The following DSCAM variants were observed in gnomAD, a reference collection of about 807,000 sequenced individuals.
DSCAM encodes the protein cell adhesion molecule DSCAM.
Under a neutral mutation model 217.7 loss-of-function variants are expected in DSCAM, and 47 were observed. The ratio of observed to expected loss-of-function variants is 0.22; its 90% CI spans 0.17 to 0.28. The LOEUF (loss-of-function observed/expected upper bound fraction) is 0.28. Ranked by LOEUF, DSCAM falls within the 10% of genes least tolerant of loss-of-function variation. DSCAM has a pLI of 1.00. For missense variants in DSCAM, 2,080 were observed against 2,618.3 expected (o/e 0.79, Z 4.49); for synonymous variants, 1,056 against 1,015.3 (o/e 1.04, Z -0.76).
intron 3 of DSCAM, among the ~76,000 whole-genome samples, chr21:40,384,419 C>T (rs1366421450): frequency 6.6e-6 from 1 of 151,988 alleles, no homozygotes; most frequent in Non-Finnish European, 1.5e-5. Flanking sequence ...ACTAGCCTGA[C>T]CAACATGGTG....
At chr21:40,038,836 C>T (rs2088683399) in intron 32 of DSCAM, among the ~76,000 whole-genome samples, 1 of 150,980 alleles carries the variant, frequency 6.6e-6, no homozygotes, top group Non-Finnish European at 1.5e-5. Flanking sequence ...ACTATGCAGC[C>T]ATTAAAAATG....
At chr21:40,728,313 AT>A (rs2090978488) in intron 1 of DSCAM, among the ~76,000 whole-genome samples, 1 of 152,230 alleles carries the variant, frequency 6.6e-6, no homozygotes, top group Non-Finnish European at 1.5e-5. Flanking sequence ...CTCAACAAAT[AT>A]TTAATACTTC....
intron 32 of DSCAM, among the ~76,000 whole-genome samples, chr21:40,033,456 G>A (rs1016720158): frequency 2.0e-5 from 3 of 152,188 alleles, no homozygotes; most frequent in Non-Finnish European, 2.9e-5. Context: ...CGAATACTGC[G>A]CTTTTCTGAC....
intron 1 of DSCAM, among the ~76,000 whole-genome samples, chr21:40,711,358 A>G (rs1225000952): frequency 6.6e-6 from 1 of 152,194 alleles, no homozygotes; most frequent in Non-Finnish European, 1.5e-5. Flanking sequence ...ATTTGGTAAG[A>G]AAGAGATGAA....
At chr21:40,827,599 G>T (rs1200529607) in intron 1 of DSCAM, among the ~76,000 whole-genome samples, 1 of 151,942 alleles carries the variant, frequency 6.6e-6, no homozygotes, top group African/African-American at 2.4e-5. Flanking sequence ...ATCAGTGTGT[G>T]TTCAACAGAG....
At chr21:40,843,496 C>T (rs993762501) in intron 1 of DSCAM, among the ~76,000 whole-genome samples, 1 of 152,070 alleles carries the variant, frequency 6.6e-6, no homozygotes, top group East Asian at 1.9e-4. Flanking sequence ...GAAGGCCTGG[C>T]TCTTCTTTTA....
At chr21:40,124,811 T>TG (rs1339886777) in intron 19 of DSCAM, among the ~76,000 whole-genome samples, 1 of 152,152 alleles carries the variant, frequency 6.6e-6, no homozygotes, top group Non-Finnish European at 1.5e-5. Context: ...TTCCTAATGT[T>TG]GGAGTCTGTG....
At chr21:40,467,811 G>A (rs2075856831) in intron 3 of DSCAM, among the ~76,000 whole-genome samples, 1 of 151,128 alleles carries the variant, frequency 6.6e-6, no homozygotes, top group Non-Finnish European at 1.5e-5. Flanking sequence ...TTATGTGAGG[G>A]GAAAATAAAT....
intron 3 of DSCAM, among the ~76,000 whole-genome samples, chr21:40,401,807 C>A (rs1049293546): frequency 6.6e-6 from 1 of 150,516 alleles, no homozygotes; most frequent in African/African-American, 2.5e-5. Context: ...TCCAAAGGGG[C>A]CCCATGTTCC....
At chr21:40,434,522 G>A (rs2075565697) in intron 3 of DSCAM, among the ~76,000 whole-genome samples, 1 of 152,162 alleles carries the variant, frequency 6.6e-6, no homozygotes, top group Non-Finnish European at 1.5e-5. Context: ...TGGTAGCTCA[G>A]CCTGGGGGCT....
chr21:40,189,891 C>T (rs1042743112), intron 11 of DSCAM, among the ~76,000 whole-genome samples: 3 of 152,144 alleles, frequency 2.0e-5, no homozygotes, highest in South Asian at 2.1e-4. Flanking sequence ...AGCATGAAAA[C>T]GGACTAATAC....
chr21:40,267,063 A>T (rs2073548041), intron 11 of DSCAM, among the ~76,000 whole-genome samples: 1 of 151,850 alleles, frequency 6.6e-6, no homozygotes, highest in African/African-American at 2.4e-5. Flanking sequence ...ATAGAAAACT[A>T]TATATTGAGT....
intron 9 of DSCAM, among the ~76,000 whole-genome samples, chr21:40,305,089 G>A (rs1010884786): frequency 1.3e-5 from 2 of 152,036 alleles, no homozygotes; most frequent in African/African-American, 2.4e-5. Flanking sequence ...TATCTGGGAA[G>A]CACAATAAAG....
At chr21:40,264,735 C>A (rs73369821) in intron 11 of DSCAM, among the ~76,000 whole-genome samples, 7,038 of 152,168 alleles carry the variant, frequency 0.046, 410 homozygotes, top group East Asian at 0.22. Flanking sequence ...AATCAAGGGC[C>A]TCCAAATAGG....
At chr21:40,070,166 C>A (rs559082028) in intron 27 of DSCAM, among the ~76,000 whole-genome samples, 1 of 141,890 alleles carries the variant, frequency 7.0e-6, no homozygotes, top group African/African-American at 2.7e-5. Flanking sequence ...GAAACCAAGA[C>A]AGAAAGAAAG....
intron 1 of DSCAM, among the ~76,000 whole-genome samples, chr21:40,816,287 T>C (rs1569050625): frequency 6.6e-6 from 1 of 152,104 alleles, no homozygotes; most frequent in Non-Finnish European, 1.5e-5. Flanking sequence ...ATTTGAGGTG[T>C]CGGGATGCTA....
At chr21:40,221,067 A>C (rs1053646920) in intron 11 of DSCAM, among the ~76,000 whole-genome samples, 1 of 152,194 alleles carries the variant, frequency 6.6e-6, no homozygotes, top group African/African-American at 2.4e-5. Flanking sequence ...GGCTAGTGAG[A>C]AGCAAAGTAA....
At chr21:40,692,282 CA>C (rs1374844409) in intron 3 of DSCAM, among the ~76,000 whole-genome samples, 1 of 152,128 alleles carries the variant, frequency 6.6e-6, no homozygotes, top group Non-Finnish European at 1.5e-5. Flanking sequence ...TTCTACACAC[CA>C]AATATAAGCC....
intron 1 of DSCAM, among the ~76,000 whole-genome samples, chr21:40,777,380 T>C (rs2091497642): frequency 6.6e-6 from 1 of 152,230 alleles, no homozygotes; most frequent in African/African-American, 2.4e-5. Flanking sequence ...GACTATTCCA[T>C]AACCCTTGCC....
Sources: gnomAD v4.1 joint callset for allele counts (sites outside exome capture counted in the v4.1 genomes callset) on GRCh38, gnomAD v4.1.1 for gene constraint, MANE v1.5 for transcripts, NCBI Gene and HGNC (gene_info 2026-07-23, HGNC 2026-07-21) for gene names.